The following UMAD1 variants were observed in gnomAD, a reference collection of about 807,000 sequenced individuals.
UMAD1 encodes UBAP1-MVB12-associated (UMA) domain containing 1.
A neutral mutation model predicts 6.1 loss-of-function variants in UMAD1; 8 were observed. That is an observed-to-expected ratio of 1.30 (90% CI 0.76 to 2.35). The LOEUF is 2.35. Among genes scored for constraint, UMAD1 ranks in the 30% most tolerant of loss-of-function variants. The pLI is 0.00. For synonymous variants in UMAD1, 56 were observed against 31.4 expected, an observed-to-expected ratio of 1.78 and a Z score of -2.61; for missense variants, 130 against 78.4, an observed-to-expected ratio of 1.66 and a Z score of -2.49.
chr7:7,795,141 C>G (rs186801877), intron 2 of UMAD1, among the ~76,000 whole-genome samples: 47 of 152,320 alleles, frequency 3.1e-4, no homozygotes, highest in Non-Finnish European at 2.9e-4. Context: ...TAATTTCTTT[C>G]TCTCTAAAAT....
At chr7:7,847,286 T>C (rs1036951307) in intron 3 of UMAD1, among the ~76,000 whole-genome samples, 1 of 150,976 alleles carries the variant, frequency 6.6e-6, no homozygotes, top group Non-Finnish European at 1.5e-5. Flanking sequence ...CAAACCAAGA[T>C]GGTTTTCACT....
At chr7:7,765,893 G>C (rs1781974607) in intron 2 of UMAD1, among the ~76,000 whole-genome samples, 1 of 152,038 alleles carries the variant, frequency 6.6e-6, no homozygotes, top group Non-Finnish European at 1.5e-5. Flanking sequence ...CCTCTATTTA[G>C]TATCTGAGTT....
intron 2 of UMAD1, among the ~76,000 whole-genome samples, chr7:7,726,251 C>A (rs767963916): frequency 2.0e-5 from 3 of 152,350 alleles, no homozygotes; most frequent in East Asian, 1.9e-4. Flanking sequence ...CCAAGACTAT[C>A]ATCCATGGAC....
rs531587077 is a variant in UMAD1 at position 7,798,701 on chromosome 7, C to T, written c.83-2969C>T. On this transcript the variant is annotated intron_variant, in intron 2 of 3. Coordinates refer to ENST00000682710, the MANE Select transcript of UMAD1 (RefSeq NM_001302348.2). Reference sequence around the variant, plus strand: ...AGTCTAGTTTCCTCCCACCTTGGCCCTCATGCATTGGAACCGTTCACCAGA... The same window carrying T: ...AGTCTAGTTTCCTCCCACCTTGGCCTTCATGCATTGGAACCGTTCACCAGA... Among the ~76,000 whole-genome samples, 9 of 152,278 alleles carry T rather than the reference C, an allele frequency of 5.9e-5. 1 individual carries two copies. Among genetic ancestry groups the T allele is most frequent in the African/African-American group, 1.9e-4 (8 of 41,564 alleles).
chr7:7,847,151 A>G (rs1783819347), intron 3 of UMAD1, among the ~76,000 whole-genome samples: 1 of 109,930 alleles, frequency 9.1e-6, no homozygotes, highest in African/African-American at 3.6e-5. Flanking sequence ...ATATATATAT[A>G]TATTTGATCA....
intron 1 of UMAD1, among the ~76,000 whole-genome samples, chr7:7,660,867 G>T (rs1053709682): frequency 2.6e-5 from 4 of 152,180 alleles, no homozygotes; most frequent in Non-Finnish European, 4.4e-5. Context: ...GGTTGGAGAA[G>T]TTCTCCTGGA....
chr7:7,746,776 G>T (rs953454597), intron 2 of UMAD1, among the ~76,000 whole-genome samples: 3 of 152,136 alleles, frequency 2.0e-5, no homozygotes, highest in Non-Finnish European at 4.4e-5. Context: ...ATCTTAATTC[G>T]CTAAAAAGGC....
chr7:7,655,260 C>G (rs989690606), intron 1 of UMAD1, among the ~76,000 whole-genome samples: 1 of 152,124 alleles, frequency 6.6e-6, no homozygotes, highest in Non-Finnish European at 1.5e-5. Context: ...CCCCAGTACT[C>G]TTTTCACCTA....
chr7:7,854,767 C>A (rs935201364), intron 3 of UMAD1, among the ~76,000 whole-genome samples: 1 of 152,174 alleles, frequency 6.6e-6, no homozygotes, highest in Non-Finnish European at 1.5e-5. Context: ...AAAGTCTTAA[C>A]CCAGCATTAT....
At chr7:7,842,355 T>C (rs553414843) in intron 3 of UMAD1, among the ~76,000 whole-genome samples, 1 of 152,306 alleles carries the variant, frequency 6.6e-6, no homozygotes, top group Non-Finnish European at 1.5e-5. Flanking sequence ...TTTTTTGTTG[T>C]TGTATTTCTA....
intron 3 of UMAD1, among the ~76,000 whole-genome samples, chr7:7,847,514 C>T (rs1270429462): frequency 1.3e-5 from 2 of 151,930 alleles, no homozygotes; most frequent in Non-Finnish European, 2.9e-5. Context: ...CCCCAGTGAG[C>T]GTTTCTCTGA....
At position 7,837,558 on chromosome 7, in the gene UMAD1, T is replaced by C. The variant is rs113832380; in HGVS notation, c.156+35815T>C. ...AAAGCCACTGACTAAGTATGCATGTTAACATTTCTAGGGTATTCACTAAAG... is the reference window on the plus strand; with the variant it reads ...AAAGCCACTGACTAAGTATGCATGTCAACATTTCTAGGGTATTCACTAAAG... On this transcript the variant is annotated intron_variant, in intron 3 of 3. Coordinates refer to ENST00000682710, the MANE Select transcript of UMAD1 (RefSeq NM_001302348.2). Among the ~76,000 whole-genome samples, 22 of 152,226 alleles carry C rather than the reference T, an allele frequency of 1.4e-4. 2 individuals are homozygous for C. The highest frequency in any genetic ancestry group is 5.1e-4 in the African/African-American group (21 of 41,572).
At chr7:7,708,203 C>G (rs1247254449) in intron 2 of UMAD1, among the ~76,000 whole-genome samples, 1 of 152,184 alleles carries the variant, frequency 6.6e-6, no homozygotes, top group African/African-American at 2.4e-5. Context: ...TTCTCCTTAA[C>G]TGTCTGTAAC....
chr7:7,646,156 G>T (rs1785089043), intron 1 of UMAD1, among the ~76,000 whole-genome samples: 1 of 152,204 alleles, frequency 6.6e-6, no homozygotes, highest in Non-Finnish European at 1.5e-5. Flanking sequence ...CAGTGTGACA[G>T]CCTTTTTGGG....
At chr7:7,765,540 G>C (rs1781968260) in intron 2 of UMAD1, among the ~76,000 whole-genome samples, 1 of 151,850 alleles carries the variant, frequency 6.6e-6, no homozygotes, top group Admixed American at 6.6e-5. Flanking sequence ...AAACTGTTTA[G>C]GTCATTGACT....
chr7:7,805,268 C>G (rs1782889290), intron 3 of UMAD1, among the ~76,000 whole-genome samples: 1 of 152,122 alleles, frequency 6.6e-6, no homozygotes, highest in Non-Finnish European at 1.5e-5. Flanking sequence ...CTGGCCCCAC[C>G]ACCCTGGAGC....
chr7:7,763,598 C>T (rs1280611589), intron 2 of UMAD1, among the ~76,000 whole-genome samples: 1 of 152,092 alleles, frequency 6.6e-6, no homozygotes, highest in Non-Finnish European at 1.5e-5. Context: ...AAATTTAGGC[C>T]GGGCGTGGTG....
At chr7:7,672,502 C>T (rs938095122) in intron 1 of UMAD1, among the ~76,000 whole-genome samples, 1 of 152,104 alleles carries the variant, frequency 6.6e-6, no homozygotes, top group Non-Finnish European at 1.5e-5. Flanking sequence ...TTGTCCCCAC[C>T]CAAATCTCAC....
chr7:7,797,525 C>G (rs555643661), intron 2 of UMAD1, among the ~76,000 whole-genome samples: 1 of 152,236 alleles, frequency 6.6e-6, no homozygotes, highest in South Asian at 2.1e-4. Context: ...TGGTTCTTCT[C>G]CCATCACTGG....
Sources: gnomAD v4.1 joint callset for allele counts (sites outside exome capture counted in the v4.1 genomes callset) on GRCh38, gnomAD v4.1.1 for gene constraint, MANE v1.5 for transcripts, NCBI Gene and HGNC (gene_info 2026-07-23, HGNC 2026-07-21) for gene names.